The following RAPGEF2 variants were observed in gnomAD, a reference collection of about 807,000 sequenced individuals.
The protein encoded by RAPGEF2 is PDZ domain containing guanine nucleotide exchange factor (GEF) 1.
In RAPGEF2, 54 loss-of-function variants were observed where a neutral mutation model predicts 186.7. The observed-to-expected ratio is 0.29, with a 90% CI of 0.23 to 0.36. The LOEUF is 0.36. Among genes scored for constraint, RAPGEF2 ranks in the 10% least tolerant of loss-of-function variants. RAPGEF2 has a pLI of 1.00. For missense variants in RAPGEF2, 1,532 were observed against 2,045.0 expected (o/e 0.75, Z 4.84); for synonymous variants, 712 against 705.9 (o/e 1.01, Z -0.14).
At chr4:159,251,191 G>C (rs1241455349) in intron 7 of RAPGEF2, among the ~76,000 whole-genome samples, 1 of 152,228 alleles carries the variant, frequency 6.6e-6, no homozygotes, top group African/African-American at 2.4e-5. Flanking sequence ...CTCGGGACCT[G>C]CAGCCCGCCA....
chr4:159,203,830 T>C (rs977158083), intron 3 of RAPGEF2, among the ~76,000 whole-genome samples: 1 of 152,210 alleles, frequency 6.6e-6, no homozygotes, highest in African/African-American at 2.4e-5. Flanking sequence ...GCATATATAT[T>C]GTTTCATTAA....
chr4:159,289,333 A>G lies in RAPGEF2; in HGVS notation c.544-15009A>G, dbSNP rs1760901871. 2.0e-5 allele frequency among the ~76,000 whole-genome samples: 3 copies of G among 152,232 alleles called. No individual in the cohort carries two copies. The South Asian group carries it at 6.2e-4, about 31-fold the overall frequency. On this transcript the variant is annotated intron_variant, in intron 7 of 29. Coordinates refer to ENST00000691494, the MANE Select transcript of RAPGEF2 (RefSeq NM_001394067.2). ...AGATCTATGATAGGAAGTTAAAAATATGTTGAGTTCAGAAGTTTTGTCATT... is the reference window on the plus strand; with the variant it reads ...AGATCTATGATAGGAAGTTAAAAATGTGTTGAGTTCAGAAGTTTTGTCATT...
intron 1 of RAPGEF2, among the ~76,000 whole-genome samples, chr4:159,117,333 A>G (rs1739152767): frequency 6.6e-6 from 1 of 152,208 alleles, no homozygotes. Flanking sequence ...TTGGGATACC[A>G]CAAGCTTCAT....
intron 4 of RAPGEF2, among the ~76,000 whole-genome samples, chr4:159,220,922 T>C (rs1189954465): frequency 6.6e-6 from 1 of 152,214 alleles, no homozygotes; most frequent in African/African-American, 2.4e-5. Flanking sequence ...CTTTTAGAAA[T>C]AACTTTTCAG....
intron 3 of RAPGEF2, among the ~76,000 whole-genome samples, chr4:159,195,742 C>T (rs1403788694): frequency 1.3e-5 from 2 of 152,098 alleles, no homozygotes; most frequent in African/African-American, 2.4e-5. Context: ...ACACTCTCTC[C>T]CTGCCCCAAC....
At chr4:159,127,330 T>G (rs981486301) in intron 1 of RAPGEF2, among the ~76,000 whole-genome samples, 2 of 152,066 alleles carry the variant, frequency 1.3e-5, no homozygotes, top group Non-Finnish European at 2.9e-5. Flanking sequence ...CCTGGCCTAT[T>G]TATTTGTGTT....
chr4:159,106,771 T>G (rs1737935309), intron 1 of RAPGEF2, among the ~76,000 whole-genome samples: 1 of 152,222 alleles, frequency 6.6e-6, no homozygotes, highest in Non-Finnish European at 1.5e-5. Context: ...CCAAGCTCCG[T>G]GAAAACATAG....
At chr4:159,162,395 TA>T (rs79478746) in intron 1 of RAPGEF2, among the ~76,000 whole-genome samples, 1,350 of 133,270 alleles carry the variant, frequency 0.01, 8 homozygotes, top group African/African-American at 0.018. Context: ...TACTGTCTCT[TA>T]AAAAAAAAAA....
At chr4:159,141,423 G>A (rs1463885065) in intron 1 of RAPGEF2, among the ~76,000 whole-genome samples, 4 of 151,966 alleles carry the variant, frequency 2.6e-5, no homozygotes, top group East Asian at 3.9e-4. Context: ...TAGCAGTCCC[G>A]AAGGATGAAC....
intron 7 of RAPGEF2, among the ~76,000 whole-genome samples, chr4:159,270,301 A>G (rs1319078746): frequency 2.6e-5 from 4 of 152,208 alleles, no homozygotes; most frequent in Admixed American, 2.6e-4. Context: ...ATAAGAAAAT[A>G]GTTACTCAGG....
intron 2 of RAPGEF2, among the ~76,000 whole-genome samples, chr4:159,192,572 GC>G (rs972381777): frequency 6.6e-6 from 1 of 152,134 alleles, no homozygotes; most frequent in Non-Finnish European, 1.5e-5. Context: ...TCTTGAAGAT[GC>G]TATTCTCAGG....
intron 7 of RAPGEF2, among the ~76,000 whole-genome samples, chr4:159,270,275 G>T (rs1029674962): frequency 3.9e-5 from 6 of 152,164 alleles, no homozygotes; most frequent in African/African-American, 7.2e-5. Flanking sequence ...AATTTTAATT[G>T]TATGTGAGGA....
intron 1 of RAPGEF2, among the ~76,000 whole-genome samples, chr4:159,142,924 C>T (rs1256833048): frequency 6.6e-6 from 1 of 152,182 alleles, no homozygotes; most frequent in Non-Finnish European, 1.5e-5. Flanking sequence ...AATCCAGGGA[C>T]TCTGGTTCTA....
chr4:159,169,059 T>G (rs1349482033), intron 1 of RAPGEF2, among the ~76,000 whole-genome samples: 1 of 152,218 alleles, frequency 6.6e-6, no homozygotes, highest in African/African-American at 2.4e-5. Context: ...TGTACCAACC[T>G]TTGTATCCCC....
chr4:159,263,290 A>G (rs1417864570), intron 7 of RAPGEF2, among the ~76,000 whole-genome samples: 2 of 152,234 alleles, frequency 1.3e-5, no homozygotes, highest in East Asian at 1.9e-4. Context: ...TTAGGAAAAG[A>G]GAAGTAAAAC....
At chr4:159,295,748 TGTGTGTGCGCGCGCGC>T (rs761390403) in intron 7 of RAPGEF2, among the ~76,000 whole-genome samples, 55 of 112,142 alleles carry the variant, frequency 4.9e-4, no homozygotes, top group South Asian at 8.3e-4. Context: ...TGTGTGTGTG[TGTGTGTGCGCGCGCGC>T]GCGCGCGCGC....
chr4:159,332,056 C>T (rs777453183), intron 16 of RAPGEF2, 22 bp downstream of exon 16: 12 of 1,479,482 alleles, frequency 8.1e-6, no homozygotes, highest in Non-Finnish European at 9.3e-6. Flanking sequence ...GCATACTTTT[C>T]ATTTTTCTCC....
chr4:159,133,173 G>C (rs995667987), intron 1 of RAPGEF2, among the ~76,000 whole-genome samples: 4 of 152,068 alleles, frequency 2.6e-5, no homozygotes, highest in Admixed American at 2.6e-4. Context: ...TACATGAAGA[G>C]CTCCTGTGTG....
chr4:159,358,231 AG>A lies in RAPGEF2; in HGVS notation c.*94del. The A allele has an allele frequency of 1.5e-6, 2 of 1,349,178 alleles. No homozygotes were observed. Among genetic ancestry groups the A allele is most frequent in the East Asian group, 4.9e-5 (2 of 40,772 alleles). The allele number at this position is 1,349,178 out of a possible 1,614,324, so 83.6% of individuals were successfully genotyped here. A position where few individuals can be genotyped will look rare whatever the true frequency, so the allele number is the denominator to read the frequency against. ...TTGGAGCCTTGGAACTCACATTCTG[AG>A]GACGGTGGACCAGTTTGCCTCCTTC... is the stretch of plus-strand genomic sequence containing the variant. On this transcript the variant is annotated 3_prime_UTR_variant, in exon 30 of 30. Coordinates refer to ENST00000691494, the MANE Select transcript of RAPGEF2 (RefSeq NM_001394067.2).
Sources: gnomAD v4.1 joint callset for allele counts (sites outside exome capture counted in the v4.1 genomes callset) on GRCh38, gnomAD v4.1.1 for gene constraint, MANE v1.5 for transcripts, NCBI Gene and HGNC (gene_info 2026-07-23, HGNC 2026-07-21) for gene names.